GASK1A: variants seen among roughly 807,000 people sequenced by gnomAD.
GASK1A encodes golgi associated kinase 1A.
Under a neutral mutation model 41.2 loss-of-function variants are expected in GASK1A, and 40 were observed. The ratio of observed to expected loss-of-function variants is 0.97; its 90% confidence interval spans 0.75 to 1.27. The LOEUF is 1.27. Ranked by LOEUF, GASK1A falls within the 50% of genes most tolerant of loss-of-function variation. The pLI, the probability that GASK1A is intolerant of heterozygous loss-of-function variation, is 0.00. For synonymous variants in GASK1A, 316 were observed against 307.1 expected, an observed-to-expected ratio of 1.03 and a Z score of -0.30; for missense variants, 678 against 745.1, an observed-to-expected ratio of 0.91 and a Z score of 1.05.
chr3:43,026,450 C>G (rs904399305), intron 1 of GASK1A, among the ~76,000 whole-genome samples: 8 of 152,204 alleles, frequency 5.3e-5, no homozygotes, highest in African/African-American at 1.9e-4. Context: ...CAGATGAGGG[C>G]TGGCCACCTG....
chr3:43,024,571 G>A (rs189746489), intron 1 of GASK1A, among the ~76,000 whole-genome samples: 3 of 152,342 alleles, frequency 2.0e-5, no homozygotes, highest in Non-Finnish European at 4.4e-5. Flanking sequence ...CATCTGCTGT[G>A]TTGGGTAGTG....
At chr3:43,011,346 C>A (rs1044261778) in intron 1 of GASK1A, among the ~76,000 whole-genome samples, 1 of 146,984 alleles carries the variant, frequency 6.8e-6, no homozygotes, top group Non-Finnish European at 1.5e-5. Flanking sequence ...CGCACCACTG[C>A]ACTCCAGCCT....
chr3:42,981,111 G>A lies in GASK1A; in HGVS notation c.3+1466G>A, dbSNP rs575451287. 2.0e-5 allele frequency among the ~76,000 whole-genome samples: 3 copies of A among 152,288 alleles called. No homozygotes were observed. In the East Asian group the frequency reaches 5.8e-4, roughly 29 times the overall value. The stretch of plus-strand genomic sequence containing the variant: ...GCCCCACTGCCAGCGTAAGCTTCCC[G>A]TTCTGTGAGTCATTGCAGCTTCCCG... On this transcript the variant is annotated intron_variant, in intron 1 of 4. Coordinates refer to ENST00000430121, the MANE Select transcript of GASK1A (RefSeq NM_001129908.3).
intron 2 of GASK1A, among the ~76,000 whole-genome samples, chr3:43,042,305 C>CAA (rs61149633): frequency 5.3e-5 from 7 of 132,160 alleles, no homozygotes; most frequent in South Asian, 2.5e-4. Context: ...CTTGTCCCTA[C>CAA]AAAAAAAAAA....
intron 1 of GASK1A, among the ~76,000 whole-genome samples, chr3:43,013,360 G>T (rs1219191820): frequency 2.0e-5 from 3 of 151,800 alleles, no homozygotes; most frequent in African/African-American, 7.3e-5. Context: ...AAAGGAAGGG[G>T]CCGTGTGAAA....
intron 1 of GASK1A, among the ~76,000 whole-genome samples, chr3:43,020,434 C>T (rs2089515628): frequency 6.6e-6 from 1 of 152,092 alleles, no homozygotes; most frequent in Admixed American, 6.5e-5. Context: ...TGGGTTGCAC[C>T]ATCATCCTCA....
At chr3:43,027,435 A>G (rs189340437) in intron 1 of GASK1A, among the ~76,000 whole-genome samples, 1 of 152,220 alleles carries the variant, frequency 6.6e-6, no homozygotes, top group South Asian at 2.1e-4. Context: ...TATTTCATTA[A>G]TAATAGCAGA....
Position 43,056,389 on chromosome 3 carries a change from C to T in GASK1A, c.*3C>T, listed in dbSNP as rs775830221. On this transcript the variant is annotated 3_prime_UTR_variant, in exon 5 of 5. Coordinates refer to ENST00000430121, the MANE Select transcript of GASK1A (RefSeq NM_001129908.3). ...TCTTCAGGGACGAGGACCCATAAGC[C>T]GCACACAGCCCTGAGTCAATGAGCA... 36 of 1,535,352 alleles carry T rather than the reference C, an allele frequency of 2.3e-5. No individual in the cohort carries two copies. In the Middle Eastern group the frequency reaches 6.6e-4, roughly 28 times the overall value.
chr3:42,991,924 A>G (rs1480279322), intron 1 of GASK1A, among the ~76,000 whole-genome samples: 1 of 152,056 alleles, frequency 6.6e-6, no homozygotes, highest in East Asian at 1.9e-4. Flanking sequence ...GCCTCCCGGC[A>G]AGCCTGGCCA....
chr3:43,053,539 C>A lies in GASK1A; in HGVS notation c.1309C>A (p.Arg437Ser). The A allele has an allele frequency of 6.5e-7, 1 of 1,549,464 alleles. No homozygotes were observed. The highest frequency in any genetic ancestry group is 8.7e-7 in the Non-Finnish European group (1 of 1,145,390). Residue 437 changes from arginine to serine, a missense_variant, in exon 3 of 5, where the codon CGC becomes AGC. Arg to Ser is a moderately radical substitution (Grantham distance 110). Coordinates refer to ENST00000430121, the MANE Select transcript of GASK1A (RefSeq NM_001129908.3). The part of the protein sequence containing the change: ...FLLQVHDRLD[R>S]YCCGFEPEPS... ...TCCACAGGTCCACGACCGCTTGGAT[C>A]GCTACTGCTGTGGCTTCGAGCCTGA...
intron 4 of GASK1A, chr3:43,055,791 G>T: frequency 2.0e-6 from 1 of 503,198 alleles, no homozygotes; most frequent in Non-Finnish European, 3.6e-6. Flanking sequence ...GGGAAGGCTA[G>T]TCCTTCCCTT....
intron 2 of GASK1A, among the ~76,000 whole-genome samples, chr3:43,043,701 G>C (rs2089648748): frequency 1.3e-5 from 2 of 152,114 alleles, no homozygotes; most frequent in Non-Finnish European, 1.5e-5. Context: ...GCATTACAAT[G>C]GCTTAACTAA....
intron 2 of GASK1A, among the ~76,000 whole-genome samples, chr3:43,040,853 G>C (rs1271833845): frequency 1.5e-5 from 2 of 135,618 alleles, no homozygotes; most frequent in Non-Finnish European, 3.2e-5. Context: ...TCTAGCGTTA[G>C]GTATATCTCC....
rs372275077 is a variant in GASK1A, at chr3:43,056,355, A to G, written c.1697A>G (p.Asn566Ser). ...CTGCTGGGACACATCCAAAAGCACA[A>G]CCTCACACTCTTCAGGGACGAGGAC... ...QVLLGHIQKH[N>S]LTLFRDEDP Residue 566 changes from asparagine (N) to serine (S), a missense_variant, in exon 5 of 5, where the codon AAC becomes AGC. Physicochemically the swap from Asn to Ser is conservative, Grantham distance 46. Transcript: ENST00000430121. 1.5e-4 allele frequency: 238 copies of G among 1,550,596 alleles called. No individual in the cohort carries two copies. Among genetic ancestry groups the G allele is most frequent in the Non-Finnish European group, 1.9e-4 (218 of 1,146,828 alleles).
chr3:43,047,322 A>G (rs531282472), intron 2 of GASK1A, among the ~76,000 whole-genome samples: 5 of 152,216 alleles, frequency 3.3e-5, no homozygotes, highest in African/African-American at 4.8e-5. Context: ...ATGGACTAAT[A>G]CAGGTGGGAT....
At chr3:43,047,164 A>G (rs2089668275) in intron 2 of GASK1A, among the ~76,000 whole-genome samples, 1 of 152,184 alleles carries the variant, frequency 6.6e-6, no homozygotes, top group South Asian at 2.1e-4. Context: ...TGGTAGACAC[A>G]CTGACAGCTT....
intron 2 of GASK1A, among the ~76,000 whole-genome samples, chr3:43,039,127 C>G (rs1031042256): frequency 1.3e-5 from 2 of 150,996 alleles, no homozygotes; most frequent in African/African-American, 4.9e-5. Flanking sequence ...TATTCTTTGC[C>G]CCATTTTCTT....
At chr3:42,995,922 G>A (rs906698063) in intron 1 of GASK1A, among the ~76,000 whole-genome samples, 1 of 152,172 alleles carries the variant, frequency 6.6e-6, no homozygotes, top group Non-Finnish European at 1.5e-5. Flanking sequence ...TAATACAAAG[G>A]CAGCCAGAGA....
Position 43,055,457 on chromosome 3 carries a change from T to C in GASK1A, c.1439T>C (p.Leu480Pro). 2.6e-6 allele frequency: 4 copies of C among 1,551,738 alleles called. No homozygotes were observed. The highest frequency in any genetic ancestry group is 3.5e-6 in the Non-Finnish European group (4 of 1,146,930). The change falls in exon 4 of 5, where the codon CTG becomes CCG. Residue 480 changes from leucine (L) to proline (P), a missense_variant. Coordinates refer to ENST00000430121, the MANE Select transcript of GASK1A (RefSeq NM_001129908.3). ...GTCCGGAGCAGCGATCCATCTCACC[T>C]GGTCTACATCGATAACGCTGGCAAC... ...ILVRSSDPSH[L>P]VYIDNAGNLQ...
Sources: allele counts gnomAD v4.1 joint callset (sites outside exome capture counted in the v4.1 genomes callset), GRCh38; gene constraint gnomAD v4.1.1; transcripts MANE v1.5; gene names NCBI Gene and HGNC (gene_info 2026-07-23, HGNC 2026-07-21).